The following HDAC9 variants were observed in gnomAD, a reference collection of about 807,000 sequenced individuals.
HDAC9 encodes the protein MEF-2 interacting transcription repressor (MITR) protein.
In HDAC9, 41 loss-of-function variants were observed where a neutral mutation model predicts 139.4. The ratio of observed to expected loss-of-function variants is 0.29; its 90% CI spans 0.23 to 0.38. HDAC9 has a LOEUF of 0.38. Among genes scored for constraint, HDAC9 ranks in the 10% least tolerant of loss-of-function variants. The pLI is 1.00. For synonymous variants in HDAC9, 517 were observed against 476.2 expected, an observed-to-expected ratio of 1.09 and a Z score of -1.12; for missense variants, 1,147 against 1,297.0, an observed-to-expected ratio of 0.88 and a Z score of 1.78.
At chr7:18,205,716 A>G (rs1311998327) in intron 2 of HDAC9, among the ~76,000 whole-genome samples, 1 of 151,928 alleles carries the variant, frequency 6.6e-6, no homozygotes, top group Non-Finnish European at 1.5e-5. Context: ...CATCTTTTTA[A>G]TTTTCTAATT....
At chr7:18,967,345 ATTC>A (rs915905764) in intron 24 of HDAC9, among the ~76,000 whole-genome samples, 2 of 152,182 alleles carry the variant, frequency 1.3e-5, no homozygotes, top group Non-Finnish European at 2.9e-5. Flanking sequence ...TGACGTAATA[ATTC>A]TTCTTTCTTG....
At chr7:18,930,937 A>T (rs1422984488) in intron 22 of HDAC9, among the ~76,000 whole-genome samples, 1 of 152,070 alleles carries the variant, frequency 6.6e-6, no homozygotes, top group East Asian at 1.9e-4. Context: ...CCAGATTTGG[A>T]TCGCTCTGTC....
intron 2 of HDAC9, among the ~76,000 whole-genome samples, chr7:18,212,897 G>T (rs1792047642): frequency 6.6e-6 from 1 of 152,166 alleles, no homozygotes; most frequent in South Asian, 2.1e-4. Flanking sequence ...CACTTCCAGG[G>T]ATAAAAATAG....
At chr7:18,916,650 G>A (rs1055172350) in intron 22 of HDAC9, among the ~76,000 whole-genome samples, 1 of 151,964 alleles carries the variant, frequency 6.6e-6, no homozygotes, top group African/African-American at 2.4e-5. Flanking sequence ...AGAGAAACGG[G>A]CACACAAATG....
chr7:18,792,081 C>A (rs975291631), intron 16 of HDAC9, among the ~76,000 whole-genome samples: 1 of 151,942 alleles, frequency 6.6e-6, no homozygotes, highest in Non-Finnish European at 1.5e-5. Flanking sequence ...CACTTATTTA[C>A]TGTTCTCATT....
At chr7:18,368,043 G>T (rs1442285345) in intron 1 of HDAC9, among the ~76,000 whole-genome samples, 1 of 152,006 alleles carries the variant, frequency 6.6e-6, no homozygotes, top group Non-Finnish European at 1.5e-5. Flanking sequence ...ACTTATGGAA[G>T]TCATTGTAAT....
At chr7:18,515,927 A>T (rs1024659805) in intron 2 of HDAC9, among the ~76,000 whole-genome samples, 1 of 152,220 alleles carries the variant, frequency 6.6e-6, no homozygotes, top group Non-Finnish European at 1.5e-5. Flanking sequence ...ATATATAAAG[A>T]ATATATTTTA....
intron 2 of HDAC9, among the ~76,000 whole-genome samples, chr7:18,257,887 A>G (rs1239636145): frequency 6.6e-6 from 1 of 152,250 alleles, no homozygotes; most frequent in Admixed American, 6.5e-5. Context: ...CACTAGACAC[A>G]AACTGTAAGG....
intron 12 of HDAC9, among the ~76,000 whole-genome samples, chr7:18,707,961 A>G (rs1452717084): frequency 1.3e-5 from 2 of 152,100 alleles, no homozygotes; most frequent in East Asian, 3.9e-4. Flanking sequence ...CAGACAGTAC[A>G]TGCTGAGAGG....
At chr7:18,901,390 G>T (rs1038717735) in intron 22 of HDAC9, among the ~76,000 whole-genome samples, 1 of 151,806 alleles carries the variant, frequency 6.6e-6, no homozygotes, top group African/African-American at 2.4e-5. Context: ...CCTGTTATTT[G>T]TCTGCATTGC....
chr7:18,725,009 G>T (rs1026480878), intron 12 of HDAC9, among the ~76,000 whole-genome samples: 2 of 152,088 alleles, frequency 1.3e-5, no homozygotes, highest in African/African-American at 2.4e-5. Context: ...TGTGTGTAGT[G>T]CTGAATGTGG....
rs185109383 is a variant in HDAC9 at position 18,792,117 on chromosome 7, G to A, written c.2215-1228G>A. Among the ~76,000 whole-genome samples the A allele has an allele frequency of 2.6e-3, 395 of 151,870 alleles. 2 individuals are homozygous for A. The highest frequency in any genetic ancestry group is 9.1e-3 in the African/African-American group (379 of 41,426). ...TATTATTTTTGTATTCATTGTTCTT[G>A]GTAGTATTTAAGTGTGTAAGAACCT... On this transcript the variant is annotated intron_variant, in intron 16 of 25. Transcript: ENST00000686413.
chr7:18,748,473 T>G (rs1189484607), intron 13 of HDAC9, among the ~76,000 whole-genome samples: 5 of 152,184 alleles, frequency 3.3e-5, no homozygotes, highest in Non-Finnish European at 7.3e-5. Context: ...AGAAACTGTT[T>G]TTGAACAACC....
intron 1 of HDAC9, among the ~76,000 whole-genome samples, chr7:18,439,426 C>G (rs992752061): frequency 1.3e-5 from 2 of 152,194 alleles, no homozygotes; most frequent in Admixed American, 6.5e-5. Context: ...GGCTATCAGT[C>G]TTGTTACAGT....
intron 1 of HDAC9, among the ~76,000 whole-genome samples, chr7:18,392,048 A>G (rs551669248): frequency 1.2e-4 from 19 of 152,270 alleles, no homozygotes; most frequent in African/African-American, 3.9e-4. Context: ...AATTTCTTTA[A>G]TGAGGTGAGC....
intron 2 of HDAC9, among the ~76,000 whole-genome samples, chr7:18,283,912 C>A (rs1797267216): frequency 6.6e-6 from 1 of 152,104 alleles, no homozygotes; most frequent in African/African-American, 2.4e-5. Context: ...TTCTCCATTT[C>A]TTTGTTTGTG....
chr7:18,209,635 T>G (rs1396917775), intron 2 of HDAC9, among the ~76,000 whole-genome samples: 2 of 152,192 alleles, frequency 1.3e-5, no homozygotes, highest in East Asian at 3.9e-4. Context: ...AATTTTCCTT[T>G]ATTGAAATCA....
intron 4 of HDAC9, 144 bp from the exon 5 acceptor site, chr7:18,591,372 A>C: frequency 8.5e-7 from 1 of 1,180,050 alleles, no homozygotes; most frequent in Non-Finnish European, 1.1e-6. Context: ...TAATAGGAAA[A>C]CTTTATGTGC....
intron 1 of HDAC9, among the ~76,000 whole-genome samples, chr7:18,357,496 C>T (rs12536977): frequency 0.13 from 20,149 of 151,970 alleles, 1,751 homozygotes; most frequent in Non-Finnish European, 0.19. Flanking sequence ...AGAACACAAA[C>T]ACAATTTCTG....
Sources: allele counts gnomAD v4.1 joint callset (sites outside exome capture counted in the v4.1 genomes callset), GRCh38; gene constraint gnomAD v4.1.1; transcripts MANE v1.5; gene names NCBI Gene and HGNC (gene_info 2026-07-23, HGNC 2026-07-21).